SEPSECS: variants seen among roughly 807,000 people sequenced by gnomAD.
The protein encoded by SEPSECS is O-phosphoseryl-tRNA(Sec) selenium transferase.
A neutral mutation model predicts 52.1 loss-of-function variants in SEPSECS; 42 were observed. The observed-to-expected ratio is 0.81, with a 90% confidence interval of 0.63 to 1.04. The LOEUF is 1.04. SEPSECS is among the 50% of genes least tolerant of loss of function. The pLI is 0.00. For synonymous variants in SEPSECS, 216 were observed against 211.4 expected, an observed-to-expected ratio of 1.02 and a Z score of -0.19; for missense variants, 590 against 610.6, an observed-to-expected ratio of 0.97 and a Z score of 0.36.
At chr4:25,140,459 A>C (rs1729015377) in intron 8 of SEPSECS, among the ~76,000 whole-genome samples, 1 of 152,214 alleles carries the variant, frequency 6.6e-6, no homozygotes, top group Non-Finnish European at 1.5e-5. Context: ...AGAATTTAGA[A>C]GTTAAGACAG....
intron 2 of SEPSECS, among the ~76,000 whole-genome samples, chr4:25,158,105 G>C (rs1444589543): frequency 6.6e-6 from 1 of 152,118 alleles, no homozygotes; most frequent in Non-Finnish European, 1.5e-5. Flanking sequence ...GATTATCGAA[G>C]AATACTAGTG....
chr4:25,160,286 A>C lies in SEPSECS; in HGVS notation c.84T>G (p.His28Gln). The part of the protein sequence containing the change: ...VRQGCEARRS[H>Q]EHLIRLLLEK... ...CCAGAAGCAGCCGTATGAGGTGCTC[A>C]TGCGAGCGGCGGGCCTCACAGCCCT... Residue 28 changes from histidine to glutamine, a missense_variant, in exon 1 of 11, where the codon CAT (histidine) becomes CAG (glutamine). Transcript: ENST00000382103. The C allele has an allele frequency of 6.4e-7, 1 of 1,555,484 alleles. No homozygotes were observed. Among genetic ancestry groups the C allele is most frequent in the Non-Finnish European group, 8.7e-7 (1 of 1,148,946 alleles).
chr4:25,140,322 T>C (rs1729009684), intron 8 of SEPSECS, among the ~76,000 whole-genome samples: 1 of 152,256 alleles, frequency 6.6e-6, no homozygotes, highest in African/African-American at 2.4e-5. Context: ...TGAGTTTTTT[T>C]GGCCAGAGTA....
intron 2 of SEPSECS, among the ~76,000 whole-genome samples, chr4:25,158,511 TA>T (rs1712828132): frequency 6.6e-6 from 1 of 151,992 alleles, no homozygotes; most frequent in African/African-American, 2.4e-5. Context: ...CAGAGGTATT[TA>T]TAAAATGAGA....
intron 8 of SEPSECS, among the ~76,000 whole-genome samples, chr4:25,134,454 G>T (rs1289946529): frequency 6.6e-6 from 1 of 151,944 alleles, no homozygotes; most frequent in Non-Finnish European, 1.5e-5. Flanking sequence ...TAAATACCCT[G>T]TGTTCATACA....
At chr4:25,129,961 A>C (rs1420131253) in intron 8 of SEPSECS, among the ~76,000 whole-genome samples, 1 of 152,200 alleles carries the variant, frequency 6.6e-6, no homozygotes, top group Non-Finnish European at 1.5e-5. Flanking sequence ...TAATTCACCA[A>C]AGTCTTAACT....
chr4:25,146,373 C>T (rs555095570), intron 6 of SEPSECS, among the ~76,000 whole-genome samples: 1 of 152,274 alleles, frequency 6.6e-6, no homozygotes, highest in African/African-American at 2.4e-5. Flanking sequence ...CAAATCTTAA[C>T]CTTCCTCTTC....
Position 25,151,980 on chromosome 4 carries a change from A to G in SEPSECS, c.784T>C (p.Cys262Arg). The G allele has an allele frequency of 2.5e-6, 4 of 1,582,628 alleles. No homozygotes were observed. The highest frequency in any genetic ancestry group is 3.5e-6 in the Non-Finnish European group (4 of 1,151,530). ...CTTACCTGCTGAATGAGATGCATACACTTTGAAGACTGCACTCCATAAGCA... is the reference window on the plus strand; with the variant it reads ...CTTACCTGCTGAATGAGATGCATACGCTTTGAAGACTGCACTCCATAAGCA... ...NNAYGVQSSK[C>R]MHLIQQGARV... is the part of the protein sequence containing the mutation. The change falls in exon 6 of 11, where the codon TGT becomes CGT. Residue 262 changes from cysteine (C) to arginine (R), a missense_variant. Transcript: ENST00000382103.
At chr4:25,156,538 T>C (rs1442690028) in intron 3 of SEPSECS, among the ~76,000 whole-genome samples, 1 of 151,144 alleles carries the variant, frequency 6.6e-6, no homozygotes, top group Non-Finnish European at 1.5e-5. Context: ...CCCCCGTCTC[T>C]ACTAAAAATA....
At chr4:25,159,930 TG>T in intron 1 of SEPSECS, 1 of 985,366 alleles carries the variant, frequency 1.0e-6, no homozygotes. Context: ...TGGTGAAAGA[TG>T]GAGGTGCGAA....
chr4:25,157,985 T>C (rs1712792052), intron 2 of SEPSECS, among the ~76,000 whole-genome samples: 2 of 152,176 alleles, frequency 1.3e-5, no homozygotes, highest in Non-Finnish European at 2.9e-5. Flanking sequence ...TTAGACAATA[T>C]TATACATTGT....
intron 8 of SEPSECS, among the ~76,000 whole-genome samples, chr4:25,139,546 C>T (rs1041207572): frequency 2.0e-5 from 3 of 151,956 alleles, no homozygotes; most frequent in Non-Finnish European, 4.4e-5. Flanking sequence ...CCACCACACC[C>T]AGCTACTTTT....
chr4:25,135,483 C>T (rs7680873), intron 8 of SEPSECS, among the ~76,000 whole-genome samples: 1,625 of 151,974 alleles, frequency 0.011, 28 homozygotes, highest in African/African-American at 0.036. Flanking sequence ...TAAATTCCTG[C>T]GTATATACAC....
intron 10 of SEPSECS, among the ~76,000 whole-genome samples, chr4:25,124,444 G>A (rs763026167): frequency 4.6e-5 from 7 of 151,952 alleles, no homozygotes; most frequent in East Asian, 1.9e-4. Flanking sequence ...CGTGATTATC[G>A]TTTACTTAAC....
At chr4:25,159,501 C>A in intron 1 of SEPSECS, 1 of 382,516 alleles carries the variant, frequency 2.6e-6, no homozygotes, top group South Asian at 1.8e-5. Context: ...CGCGCTGTAG[C>A]TCACTCACGC....
chr4:25,129,882 C>T (rs1272231521), intron 8 of SEPSECS, among the ~76,000 whole-genome samples: 1 of 152,138 alleles, frequency 6.6e-6, no homozygotes, highest in South Asian at 2.1e-4. Context: ...AATTTAAATG[C>T]TCTGTTTGTT....
chr4:25,131,532 G>A (rs539057749), intron 8 of SEPSECS, among the ~76,000 whole-genome samples: 1 of 152,256 alleles, frequency 6.6e-6, no homozygotes, highest in East Asian at 1.9e-4. Context: ...AAGGATCCAG[G>A]AGCAAGTGGC....
chr4:25,124,253 A>G lies in SEPSECS; in HGVS notation c.1212-28T>C, dbSNP rs770145452. 5 of 1,604,014 alleles carry G rather than the reference A, an allele frequency of 3.1e-6. No homozygotes were observed. The East Asian group carries it at 8.9e-5, about 29-fold the overall frequency. On this transcript the variant is annotated intron_variant, in intron 10 of 10. Coordinates refer to ENST00000382103, the MANE Select transcript of SEPSECS (RefSeq NM_016955.4). ...GAAAGAAGAAAGATTTACCAATTTAATATGTCTGGTAATGGTAACACAATG... is the reference window on the plus strand; with the variant it reads ...GAAAGAAGAAAGATTTACCAATTTAGTATGTCTGGTAATGGTAACACAATG...
chr4:25,156,416 T>C (rs1371290779), intron 3 of SEPSECS, among the ~76,000 whole-genome samples: 1 of 149,622 alleles, frequency 6.7e-6, no homozygotes, highest in Admixed American at 6.6e-5. Flanking sequence ...AAAAAAAAAG[T>C]CTTTTCGGCC....
Sources: gnomAD v4.1 joint callset for allele counts (sites outside exome capture counted in the v4.1 genomes callset) on GRCh38, gnomAD v4.1.1 for gene constraint, MANE v1.5 for transcripts, NCBI Gene and HGNC (gene_info 2026-07-23, HGNC 2026-07-21) for gene names.